IL23R: variants seen among roughly 807,000 people sequenced by gnomAD.
IL23R encodes the protein interleukin 23 receptor.
A neutral mutation model predicts 56.9 loss-of-function variants in IL23R; 34 were observed. The ratio of observed to expected loss-of-function variants is 0.60; its 90% CI spans 0.45 to 0.80. The LOEUF is 0.80. IL23R is among the 30% of genes least tolerant of loss of function. The pLI is 0.00. For synonymous variants in IL23R, 230 were observed against 249.2 expected (o/e 0.92, Z 0.73); for missense variants, 635 against 730.0 (o/e 0.87, Z 1.50).
At chr1:67,228,461 G>A (rs922128322) in intron 7 of IL23R, among the ~76,000 whole-genome samples, 4 of 149,254 alleles carry the variant, frequency 2.7e-5, no homozygotes, top group Non-Finnish European at 5.9e-5. Flanking sequence ...GCCTCCCAAA[G>A]TGCTGGGCTT....
At chr1:67,150,248 C>CTTTTTTTTTTTTTT (rs552806817) in intron 1 of IL23R, among the ~76,000 whole-genome samples, 2 of 110,264 alleles carry the variant, frequency 1.8e-5, no homozygotes, top group Non-Finnish European at 3.5e-5. Flanking sequence ...GCATTTCGAA[C>CTTTTTTTTTTTTTT]TTTTTTTTTT....
chr1:67,186,772 C>T (rs1009836167), intron 4 of IL23R, among the ~76,000 whole-genome samples: 8 of 152,132 alleles, frequency 5.3e-5, no homozygotes, highest in Admixed American at 2.6e-4. Context: ...GTGCACGCCA[C>T]CACGCCCAGC....
chr1:67,227,876 G>A (rs966031498), intron 7 of IL23R, among the ~76,000 whole-genome samples: 1 of 152,042 alleles, frequency 6.6e-6, no homozygotes, highest in African/African-American at 2.4e-5. Context: ...CTGCAGAATA[G>A]GAAACAATTC....
intron 8 of IL23R, among the ~76,000 whole-genome samples, chr1:67,237,591 A>C (rs1465926899): frequency 1.3e-5 from 2 of 152,184 alleles, no homozygotes; most frequent in Non-Finnish European, 2.9e-5. Context: ...AATGTCCTGG[A>C]GTCTATTGTC....
downstream of IL23R, among the ~76,000 whole-genome samples, chr1:67,262,355 A>G (rs1653223996): frequency 6.6e-6 from 1 of 152,128 alleles, no homozygotes; most frequent in Non-Finnish European, 1.5e-5. Flanking sequence ...AGAAAAAAAT[A>G]AAGGAAAATG....
At chr1:67,217,069 T>C (rs1055570081) in intron 6 of IL23R, among the ~76,000 whole-genome samples, 12 of 152,172 alleles carry the variant, frequency 7.9e-5, no homozygotes, top group African/African-American at 2.9e-4. Flanking sequence ...GTAGGAATTA[T>C]AGAACTCTAA....
At chr1:67,214,987 G>T (rs943542243) in intron 6 of IL23R, among the ~76,000 whole-genome samples, 3 of 152,130 alleles carry the variant, frequency 2.0e-5, no homozygotes, top group Non-Finnish European at 2.9e-5. Context: ...GCCCTGTTTT[G>T]TTTCTCTCTG....
rs896718325 is a variant in IL23R, at chr1:67,233,423, C to T, written c.956-3290C>T. On this transcript the variant is annotated intron_variant, in intron 7 of 10. Coordinates refer to ENST00000347310, the MANE Select transcript of IL23R (RefSeq NM_144701.3). ...ATAGCAGTGTGAAAACAGACTAGTACGGTTGATGTAGAAAGAAGAGCTGAG... is the reference window on the plus strand; with the variant it reads ...ATAGCAGTGTGAAAACAGACTAGTATGGTTGATGTAGAAAGAAGAGCTGAG... Among the ~76,000 whole-genome samples, 29 of 151,642 alleles carry T rather than the reference C, an allele frequency of 1.9e-4. No homozygotes were observed. The East Asian group carries it at 5.2e-3, about 27-fold the overall frequency.
intron 1 of IL23R, among the ~76,000 whole-genome samples, chr1:67,144,068 G>A (rs1646660212): frequency 6.6e-6 from 1 of 152,244 alleles, no homozygotes; most frequent in Non-Finnish European, 1.5e-5. Flanking sequence ...GACAAATATT[G>A]ATAATAGCTG....
chr1:67,182,852 T>C lies in IL23R; in HGVS notation c.384T>C (p.Pro128=). 1 of 1,614,078 alleles carries C rather than the reference T, an allele frequency of 6.2e-7. No homozygotes were observed. The highest frequency in any genetic ancestry group is 8.5e-7 in the Non-Finnish European group (1 of 1,179,956). Residue 128 remains proline, a synonymous_variant, in exon 4 of 11, where the codon CCT becomes CCC. Transcript: ENST00000347310. ...TTGTTGCAGATCCGCCAGATATTCC[T>C]GATGAAGTAACCTGTGTCATTTATG... ...DISSGYPPDI[P]DEVTCVIYEY... is the part of the protein sequence containing the mutation.
chr1:67,204,225 C>G lies in IL23R; in HGVS notation c.653-2685C>G, dbSNP rs563027656. 3.2e-4 allele frequency among the ~76,000 whole-genome samples: 49 copies of G among 152,138 alleles called. No individual in the cohort carries two copies. In the East Asian group the frequency reaches 4.4e-3, roughly 14 times the overall value. ...ACTACAGGCGCCAGCCACCTCGCCC[C>G]GCTAATTTTTTGTATTTTTAGTAGA... On this transcript the variant is annotated intron_variant, in intron 5 of 10. Transcript: ENST00000347310.
chr1:67,198,863 C>T (rs1194605728), intron 4 of IL23R, among the ~76,000 whole-genome samples: 1 of 152,046 alleles, frequency 6.6e-6, no homozygotes, highest in Non-Finnish European at 1.5e-5. Context: ...GAGGATCACT[C>T]GAGCCCAGGA....
rs768230752 is a variant in IL23R at position 67,255,820 on chromosome 1, T to C, written c.1149-17T>C. ...ATGATTGCCTGCTTCTTCTAACGTG[T>C]CATTTTTGTTTTTTAGGATTAAAAG... On this transcript the variant is annotated splice_polypyrimidine_tract_variant and intron_variant, in intron 9 of 10. Coordinates refer to ENST00000347310, the MANE Select transcript of IL23R (RefSeq NM_144701.3). 9.7e-6 allele frequency: 12 copies of C among 1,231,342 alleles called. No individual in the cohort carries two copies. In the Admixed American group the frequency reaches 1.7e-4, roughly 17 times the overall value. The allele number at this position is 1,231,342 out of a possible 1,614,324, so 76.3% of individuals were successfully genotyped here.
chr1:67,225,130 A>T (rs1187802403), intron 7 of IL23R, among the ~76,000 whole-genome samples: 1 of 152,224 alleles, frequency 6.6e-6, no homozygotes, highest in Non-Finnish European at 1.5e-5. Context: ...AAACAAAATC[A>T]TTCTCTACAC....
At chr1:67,154,678 G>C (rs574249387) in intron 1 of IL23R, among the ~76,000 whole-genome samples, 2 of 152,180 alleles carry the variant, frequency 1.3e-5, no homozygotes, top group African/African-American at 4.8e-5. Flanking sequence ...TTGAGCCAAT[G>C]TGTCTTTGCA....
upstream of IL23R, among the ~76,000 whole-genome samples, chr1:67,164,301 G>C (rs1415373636): frequency 1.3e-5 from 2 of 152,138 alleles, no homozygotes; most frequent in Non-Finnish European, 2.9e-5. Context: ...TTCGAGACCA[G>C]CCTGGCCAAC....
chr1:67,226,930 A>G (rs1650658001), intron 7 of IL23R, among the ~76,000 whole-genome samples: 1 of 152,196 alleles, frequency 6.6e-6, no homozygotes, highest in African/African-American at 2.4e-5. Context: ...CCCCCAAAGC[A>G]CAGGATATAG....
rs1181829957 is a variant in IL23R, at chr1:67,255,834, T to C, written c.1149-3T>C. The C allele has an allele frequency of 7.5e-6, 11 of 1,464,230 alleles. No homozygotes were observed. The highest frequency in any genetic ancestry group is 6.8e-5 in the South Asian group (6 of 88,070). The allele number at this position is 1,464,230 out of a possible 1,614,324, so 90.7% of individuals were successfully genotyped here. On this transcript the variant is annotated splice_polypyrimidine_tract_variant and splice_region_variant and intron_variant, in intron 9 of 10. Coordinates refer to ENST00000347310, the MANE Select transcript of IL23R (RefSeq NM_144701.3). ...CTTCTAACGTGTCATTTTTGTTTTT[T>C]AGGATTAAAAGAAGGATCTTATTGT...
chr1:67,164,224 G>A (rs112655042), upstream of IL23R, among the ~76,000 whole-genome samples: 3,442 of 152,282 alleles, frequency 0.023, 124 homozygotes, highest in African/African-American at 0.078. Context: ...GGCAGAGCAC[G>A]GTGACTCACG....
Sources: gnomAD v4.1 joint callset for allele counts (sites outside exome capture counted in the v4.1 genomes callset) on GRCh38, gnomAD v4.1.1 for gene constraint, MANE v1.5 for transcripts, NCBI Gene and HGNC (gene_info 2026-07-23, HGNC 2026-07-21) for gene names.